CDH4: variants seen among roughly 807,000 people sequenced by gnomAD.
CDH4 encodes cadherin-4.
CDH4 carries 33 observed loss-of-function variants against 86.0 expected under a neutral mutation model. That is an observed-to-expected ratio of 0.38 (90% CI 0.29 to 0.51). The LOEUF is 0.51. CDH4 is among the 20% of genes least tolerant of loss of function. The probability of loss-of-function intolerance (pLI) is 0.86; values close to 1 mark genes in which losing one functional copy is unlikely to be tolerated. For synonymous variants in CDH4, 555 were observed against 549.4 expected, an observed-to-expected ratio of 1.01 and a Z score of -0.14; for missense variants, 1,114 against 1,307.4, an observed-to-expected ratio of 0.85 and a Z score of 2.28.
At chr20:61,271,636 C>G (rs887951258) in intron 2 of CDH4, among the ~76,000 whole-genome samples, 3 of 152,224 alleles carry the variant, frequency 2.0e-5, no homozygotes, top group African/African-American at 7.2e-5. Context: ...TCTCCCCCGG[C>G]CTCTTCTTAC....
intron 2 of CDH4, among the ~76,000 whole-genome samples, chr20:61,433,958 G>A (rs761462540): frequency 1.3e-5 from 2 of 152,140 alleles, no homozygotes; most frequent in Non-Finnish European, 2.9e-5. Flanking sequence ...CCACCCACCT[G>A]CCCATTTCCT....
chr20:61,315,581 C>T (rs934328110), intron 2 of CDH4, among the ~76,000 whole-genome samples: 5 of 152,174 alleles, frequency 3.3e-5, no homozygotes, highest in African/African-American at 7.2e-5. Flanking sequence ...AGGAGGATGT[C>T]GGGGAGAAAC....
At chr20:61,935,849 G>A (rs917733438) in intron 15 of CDH4, among the ~76,000 whole-genome samples, 1 of 152,164 alleles carries the variant, frequency 6.6e-6, no homozygotes, top group African/African-American at 2.4e-5. Context: ...TCGCACCACT[G>A]TACTCCAGCC....
intron 2 of CDH4, among the ~76,000 whole-genome samples, chr20:61,283,741 G>A (rs2084277768): frequency 1.3e-5 from 2 of 152,246 alleles, no homozygotes; most frequent in African/African-American, 4.8e-5. Flanking sequence ...ATTTCTTTGT[G>A]ATGGGTCATT....
At chr20:61,519,626 G>A (rs1018715856) in intron 2 of CDH4, among the ~76,000 whole-genome samples, 3 of 152,364 alleles carry the variant, frequency 2.0e-5, no homozygotes, top group East Asian at 1.9e-4. Context: ...GCCAGGCAGC[G>A]CTGCCTCTCG....
intron 2 of CDH4, among the ~76,000 whole-genome samples, chr20:61,358,637 G>A (rs1209557359): frequency 1.3e-5 from 2 of 152,146 alleles, no homozygotes; most frequent in African/African-American, 4.8e-5. Context: ...ACACAGAGAG[G>A]GTCAAATGCA....
intron 7 of CDH4, among the ~76,000 whole-genome samples, chr20:61,882,261 G>A (rs1175103595): frequency 5.9e-5 from 9 of 152,252 alleles, no homozygotes; most frequent in Non-Finnish European, 1.2e-4. Flanking sequence ...GCGGTGCCAC[G>A]CTCCAGGATG....
chr20:61,789,431 AG>A (rs898583599), intron 4 of CDH4, among the ~76,000 whole-genome samples: 2 of 152,022 alleles, frequency 1.3e-5, no homozygotes, highest in African/African-American at 4.8e-5. Context: ...AGAAAAGGGG[AG>A]GGGGGCGGTG....
chr20:61,577,440 C>T (rs886963651), intron 2 of CDH4, among the ~76,000 whole-genome samples: 3 of 151,902 alleles, frequency 2.0e-5, no homozygotes, highest in Admixed American at 1.3e-4. Flanking sequence ...GTGGATGTTT[C>T]GCATGTTGAA....
At position 61,517,862 on chromosome 20, in the gene CDH4, G is replaced by A. The variant is rs746816369; in HGVS notation, c.170-225701G>A. Among the ~76,000 whole-genome samples the A allele has an allele frequency of 2.2e-4, 33 of 152,188 alleles. No homozygotes were observed. The highest frequency in any genetic ancestry group is 1.0e-3 in the Admixed American group (16 of 15,290). ...TCTTATTTCATTTATTCTCAGTTCC[G>A]TCCCATGCAGGTGCCTCACAAAACC... On this transcript the variant is annotated intron_variant, in intron 2 of 15. Transcript: ENST00000614565. This position sits in a 1 kb window ranked among gnomAD's most constrained non-coding sequence, Gnocchi z 6.6.
intron 4 of CDH4, among the ~76,000 whole-genome samples, chr20:61,840,123 G>A (rs919810182): frequency 7.2e-5 from 11 of 152,202 alleles, no homozygotes; most frequent in Non-Finnish European, 1.0e-4. Context: ...TTAAGGGGGT[G>A]TCACTCGTGG....
At chr20:61,359,474 G>A (rs1446077164) in intron 2 of CDH4, among the ~76,000 whole-genome samples, 5 of 152,226 alleles carry the variant, frequency 3.3e-5, no homozygotes, top group African/African-American at 1.2e-4. Flanking sequence ...CGCCTGGACA[G>A]GAGGAGGTTC....
intron 1 of CDH4, among the ~76,000 whole-genome samples, chr20:61,254,472 G>T (rs987341039): frequency 2.0e-5 from 3 of 152,246 alleles, no homozygotes; most frequent in African/African-American, 7.2e-5. Flanking sequence ...GCCCTTAGTG[G>T]CTTCGGGAGC....
At chr20:61,285,984 G>T (rs2084291056) in intron 2 of CDH4, among the ~76,000 whole-genome samples, 1 of 152,190 alleles carries the variant, frequency 6.6e-6, no homozygotes, top group South Asian at 2.1e-4. Flanking sequence ...GTGCCCTGGT[G>T]CTGGCTTCTT....
chr20:61,701,742 G>A (rs571525458), intron 2 of CDH4, among the ~76,000 whole-genome samples: 1 of 152,232 alleles, frequency 6.6e-6, no homozygotes, highest in Non-Finnish European at 1.5e-5. Context: ...CGGCTCACGC[G>A]GGGATCTCCC....
intron 2 of CDH4, among the ~76,000 whole-genome samples, chr20:61,504,013 A>G (rs1458503368): frequency 1.3e-5 from 2 of 152,188 alleles, no homozygotes; most frequent in African/African-American, 2.4e-5. Flanking sequence ...ATACGCCCCC[A>G]TCCCACTCGC....
rs574238843 is a variant in CDH4, at chr20:61,293,075, C to T, written c.169+38138C>T. Reference sequence around the variant, plus strand: ...CTCAGGGCTCCCCTGAGTGTAGCCACTTCCGCAGATCCCCTGCAGCTCCCA... The same window carrying T: ...CTCAGGGCTCCCCTGAGTGTAGCCATTTCCGCAGATCCCCTGCAGCTCCCA... On this transcript the variant is annotated intron_variant, in intron 2 of 15. Transcript: ENST00000614565. Among the ~76,000 whole-genome samples, 28 of 152,342 alleles carry T rather than the reference C, an allele frequency of 1.8e-4. No individual in the cohort carries two copies. The South Asian group carries it at 5.8e-3, about 32-fold the overall frequency.
At chr20:61,277,724 A>C (rs1244579564) in intron 2 of CDH4, among the ~76,000 whole-genome samples, 1 of 152,266 alleles carries the variant, frequency 6.6e-6, no homozygotes, top group Non-Finnish European at 1.5e-5. Context: ...TCTTAGTCTA[A>C]TGAAATTGCC....
chr20:61,704,531 G>A lies in CDH4; in HGVS notation c.170-39032G>A, dbSNP rs186969977. ...AGCGGCTGGCCCTGAAGCCCCCAGA[G>A]CCAGGTTGCTTGGCAGGGGTGGTGG... On this transcript the variant is annotated intron_variant, in intron 2 of 15. Coordinates refer to ENST00000614565, the MANE Select transcript of CDH4 (RefSeq NM_001794.5). 1.4e-4 allele frequency among the ~76,000 whole-genome samples: 21 copies of A among 152,262 alleles called. No homozygotes were observed. The East Asian group carries it at 3.7e-3, about 27-fold the overall frequency.
Sources: gnomAD v4.1 joint callset for allele counts (sites outside exome capture counted in the v4.1 genomes callset) on GRCh38, gnomAD v4.1.1 for gene constraint, Gnocchi (gnomAD v3.1) non-coding constraint, MANE v1.5 for transcripts, NCBI Gene and HGNC (gene_info 2026-07-23, HGNC 2026-07-21) for gene names.